LAMA2: variants seen among roughly 807,000 people sequenced by gnomAD.
The protein encoded by LAMA2 is laminin subunit alpha 2.
Under a neutral mutation model 364.8 loss-of-function variants are expected in LAMA2, and 269 were observed. The ratio of observed to expected loss-of-function variants is 0.74; its 90% confidence interval spans 0.67 to 0.82. The LOEUF is 0.82. LAMA2 is among the 40% of genes least tolerant of loss of function. LAMA2 has a pLI of 0.00. For missense variants in LAMA2, 3,807 were observed against 3,873.2 expected, an observed-to-expected ratio of 0.98 and a Z score of 0.45; for synonymous variants, 1,379 against 1,370.6, an observed-to-expected ratio of 1.01 and a Z score of -0.14.
intron 1 of LAMA2, chr6:128,905,402 A>G (rs1777376004): frequency 2.0e-5 from 3 of 152,044 alleles, no homozygotes; most frequent in Admixed American, 1.3e-4. Flanking sequence ...CATTGCAGGC[A>G]TAGTACCAAT....
chr6:129,447,040 A>T (rs1363945831), intron 45 of LAMA2, among the ~76,000 whole-genome samples: 1 of 152,232 alleles, frequency 6.6e-6, no homozygotes, highest in Non-Finnish European at 1.5e-5. Context: ...AAAGCACAAG[A>T]TTAAAAGAAA....
intron 2 of LAMA2, among the ~76,000 whole-genome samples, chr6:129,054,040 A>G (rs894549521): frequency 6.6e-6 from 1 of 152,198 alleles, no homozygotes; most frequent in African/African-American, 2.4e-5. Flanking sequence ...CATACTTTTA[A>G]CTCACCAAAT....
intron 3 of LAMA2, among the ~76,000 whole-genome samples, chr6:129,094,855 AAG>A (rs1379175130): frequency 6.6e-6 from 1 of 152,166 alleles, no homozygotes; most frequent in Non-Finnish European, 1.5e-5. Flanking sequence ...CAGAGGGTAA[AAG>A]AGTTTCAGTA....
intron 8 of LAMA2, chr6:129,158,436 G>C (rs1424525015): frequency 1.4e-5 from 22 of 1,613,826 alleles, no homozygotes; most frequent in Non-Finnish European, 1.9e-5. Context: ...TTTGGCAATA[G>C]TTCGCTGAAC....
chr6:129,278,180 C>T (rs1424290304), intron 17 of LAMA2, among the ~76,000 whole-genome samples: 1 of 152,050 alleles, frequency 6.6e-6, no homozygotes, highest in Non-Finnish European at 1.5e-5. Flanking sequence ...CCAGTCTGGG[C>T]AACAGAGCAA....
At chr6:129,322,338 A>G (rs1775017488) in intron 28 of LAMA2, among the ~76,000 whole-genome samples, 2 of 152,200 alleles carry the variant, frequency 1.3e-5, no homozygotes, top group Admixed American at 1.3e-4. Flanking sequence ...ATGTACACAT[A>G]GTGTATGGGT....
chr6:128,916,058 T>A (rs1778291952), intron 1 of LAMA2, among the ~76,000 whole-genome samples: 1 of 152,216 alleles, frequency 6.6e-6, no homozygotes, highest in African/African-American at 2.4e-5. Flanking sequence ...ACATGTTGGC[T>A]GATGTTCTCT....
intron 12 of LAMA2, among the ~76,000 whole-genome samples, chr6:129,223,475 T>C (rs952966262): frequency 2.0e-5 from 3 of 152,106 alleles, no homozygotes; most frequent in Non-Finnish European, 2.9e-5. Flanking sequence ...TATGGTTTTA[T>C]GTCTAACATT....
At chr6:129,099,796 G>C (rs1707722187) in intron 4 of LAMA2, among the ~76,000 whole-genome samples, 1 of 152,060 alleles carries the variant, frequency 6.6e-6, no homozygotes, top group South Asian at 2.1e-4. Flanking sequence ...CAGTTTTGGG[G>C]AAAAACATTC....
At chr6:128,910,131 C>G (rs766463094) in intron 1 of LAMA2, among the ~76,000 whole-genome samples, 1 of 151,990 alleles carries the variant, frequency 6.6e-6, no homozygotes, top group Non-Finnish European at 1.5e-5. Context: ...TTGCTTTTCT[C>G]GAGAAGTATC....
At chr6:129,392,892 C>T (rs1467529556) in intron 36 of LAMA2, among the ~76,000 whole-genome samples, 153 bp from the exon 37 acceptor site, 1 of 152,132 alleles carries the variant, frequency 6.6e-6, no homozygotes, top group Non-Finnish European at 1.5e-5. Context: ...CAGTTTTCAA[C>T]TTGATTTAGC....
Position 129,481,395 on chromosome 6 carries a change from G to A in LAMA2, c.7705G>A (p.Gly2569Arg). Residue 2569 changes from glycine to arginine, a missense_variant, in exon 55 of 65, where the codon GGG becomes AGG. Coordinates refer to ENST00000421865, the MANE Select transcript of LAMA2 (RefSeq NM_000426.4). ...ESGIILLGSG[G>R]TPAPPRRKRR... ...CGGCATCATTCTTTTGGGAAGTGGAGGGACACCAGCACCACCTAGGAGAAA... is the reference window on the plus strand; with the variant it reads ...CGGCATCATTCTTTTGGGAAGTGGAAGGACACCAGCACCACCTAGGAGAAA... 1 of 1,613,930 alleles carries A rather than the reference G, an allele frequency of 6.2e-7. No individual in the cohort carries two copies. Among genetic ancestry groups the A allele is most frequent in the South Asian group, 1.1e-5 (1 of 91,082 alleles).
chr6:129,200,344 A>G lies in LAMA2; in HGVS notation c.1782+7491A>G, dbSNP rs912077807. On this transcript the variant is annotated intron_variant, in intron 12 of 64. Transcript: ENST00000421865. The stretch of plus-strand genomic sequence containing the variant: ...TGTACACATATACATATACACGTAT[A>G]TGTGTACACATATACATATACACGT... Among the ~76,000 whole-genome samples, 7 of 121,950 alleles carry G rather than the reference A, an allele frequency of 5.7e-5. 1 individual carries two copies. Among genetic ancestry groups the G allele is most frequent in the South Asian group, 2.5e-4 (1 of 4,038 alleles). 80.0% of individuals were successfully genotyped at this position (121,950 alleles called of 152,430 possible).
intron 32 of LAMA2, among the ~76,000 whole-genome samples, chr6:129,355,592 A>T (rs1001683841): frequency 3.9e-5 from 6 of 152,174 alleles, no homozygotes; most frequent in Non-Finnish European, 8.8e-5. Context: ...GTGGAATTGC[A>T]TAAGGCCTGG....
intron 29 of LAMA2, among the ~76,000 whole-genome samples, chr6:129,335,080 G>T (rs879616103): frequency 1.3e-5 from 2 of 152,086 alleles, no homozygotes; most frequent in Non-Finnish European, 2.9e-5. Flanking sequence ...GAAAACTGTA[G>T]AAAGCTTTAT....
intron 14 of LAMA2, among the ~76,000 whole-genome samples, chr6:129,257,134 A>C (rs1786751301): frequency 6.6e-6 from 1 of 152,014 alleles, no homozygotes; most frequent in Admixed American, 6.6e-5. Flanking sequence ...TCTAAAATTT[A>C]GTACTATATT....
intron 35 of LAMA2, among the ~76,000 whole-genome samples, chr6:129,388,210 T>A (rs1779125728): frequency 6.6e-6 from 1 of 150,494 alleles, no homozygotes; most frequent in African/African-American, 2.4e-5. Context: ...GAGCAGAAAT[T>A]GTGCCACTGC....
chr6:129,297,866 G>T lies in LAMA2; in HGVS notation c.3037+1G>T, dbSNP rs1773291512. On this transcript the variant is annotated splice_donor_variant, in intron 21 of 64. Transcript: ENST00000421865. LOFTEE classifies it high-confidence loss of function. ...AACTTCCAAGAAGGAGGCTGCACAGGTCTGTAAATATGACTTAAGTCCTAC... is the reference window on the plus strand; with the variant it reads ...AACTTCCAAGAAGGAGGCTGCACAGTTCTGTAAATATGACTTAAGTCCTAC... The T allele has an allele frequency of 2.5e-6, 4 of 1,612,972 alleles. No homozygotes were observed. The highest frequency in any genetic ancestry group is 1.7e-5 in the Admixed American group (1 of 59,882).
At chr6:129,105,498 AT>A (rs375089140) in intron 4 of LAMA2, among the ~76,000 whole-genome samples, 17 of 152,334 alleles carry the variant, frequency 1.1e-4, no homozygotes, top group East Asian at 9.6e-4. Context: ...CCCTATGTAT[AT>A]TTTAAACAAG....
Sources: gnomAD v4.1 joint callset for allele counts (sites outside exome capture counted in the v4.1 genomes callset) on GRCh38, gnomAD v4.1.1 for gene constraint, MANE v1.5 for transcripts, NCBI Gene and HGNC (gene_info 2026-07-23, HGNC 2026-07-21) for gene names.